The following AMPD1 variants were observed in gnomAD, a reference collection of about 807,000 sequenced individuals.
The protein encoded by AMPD1 is adenosine monophosphate deaminase 1, also known as AMP deaminase 1.
A neutral mutation model predicts 82.9 loss-of-function variants in AMPD1; 74 were observed. The ratio of observed to expected loss-of-function variants is 0.89; its 90% CI spans 0.74 to 1.08. AMPD1 has a LOEUF of 1.08. Among genes scored for constraint, AMPD1 ranks in the 50% least tolerant of loss-of-function variants. The probability of loss-of-function intolerance (pLI) is 0.00; values close to 1 mark genes in which losing one functional copy is unlikely to be tolerated. For missense variants in AMPD1, 881 were observed against 924.5 expected (o/e 0.95, Z 0.61); for synonymous variants, 333 against 320.5 (o/e 1.04, Z -0.42).
chr1:114,674,610 C>CTGCA, intron 13 of AMPD1, 142 bp downstream of exon 13: 4 of 972,018 alleles, frequency 4.1e-6, no homozygotes, highest in Non-Finnish European at 6.0e-6. Flanking sequence ...GTAGAATGAA[C>CTGCA]TGCACTAAAC....
chr1:114,693,106 C>A (rs1658563769), intron 2 of AMPD1, among the ~76,000 whole-genome samples: 3 of 145,012 alleles, frequency 2.1e-5, no homozygotes. Context: ...TCCTGGGTGA[C>A]CATCCATCTC....
Position 114,686,741 on chromosome 1 carries a change from T to C in AMPD1, c.381+4A>G, listed in dbSNP as rs766387191. 6.2e-7 allele frequency: 1 copy of C among 1,613,942 alleles called. No homozygotes were observed. The highest frequency in any genetic ancestry group is 2.2e-5 in the East Asian group (1 of 44,856). ...CTAAGTCTGAGTGGCAAGGACCAAC[T>C]CACCCCAGAGGCATAGTCACCAGTA... On this transcript the variant is annotated splice_donor_region_variant and intron_variant, in intron 4 of 15. Coordinates refer to ENST00000520113, the MANE Select transcript of AMPD1 (RefSeq NM_000036.3).
intron 6 of AMPD1, 59 bp downstream of exon 6, chr1:114,680,200 G>C: frequency 7.1e-7 from 1 of 1,406,184 alleles, no homozygotes; most frequent in Non-Finnish European, 1.0e-6. Context: ...AGTAGTACTA[G>C]TTGTTGTTTA....
At chr1:114,677,158 C>G (rs975815549) in intron 10 of AMPD1, among the ~76,000 whole-genome samples, 193 bp downstream of exon 10, 2 of 151,828 alleles carry the variant, frequency 1.3e-5, no homozygotes, top group Non-Finnish European at 2.9e-5. Flanking sequence ...AAATGATCTT[C>G]TTAACTCCTG....
At chr1:114,680,536 A>T (rs1233068897) in intron 5 of AMPD1, 58 bp from the exon 6 acceptor site, 9 of 1,433,838 alleles carry the variant, frequency 6.3e-6, no homozygotes, top group Non-Finnish European at 7.9e-6. Context: ...ACCACATAAA[A>T]ATAACCAAAA....
intron 6 of AMPD1, 58 bp downstream of exon 6, chr1:114,680,201 T>C (rs972024075): frequency 1.2e-5 from 17 of 1,413,328 alleles, no homozygotes; most frequent in Non-Finnish European, 1.6e-5. Flanking sequence ...GTAGTACTAG[T>C]TGTTGTTTAG....
In AMPD1 at chr1:114,686,773, A is replaced by T. The variant is rs777499844; in HGVS notation, c.353T>A (p.Val118Glu). 3 of 1,614,050 alleles carry T rather than the reference A, an allele frequency of 1.9e-6. No individual in the cohort carries two copies. The highest frequency in any genetic ancestry group is 2.5e-6 in the Non-Finnish European group (3 of 1,179,966). ...AGAGGCATAGTCACCAGTAATCTGC[A>T]CTCTCTGAAAATCAGGCACGGTCTG... ...TYQTVPDFQRVQITGDYASGV... is the reference protein window; with the variant it reads ...TYQTVPDFQREQITGDYASGV... The change falls in exon 4 of 16, where the codon GTG becomes GAG. Residue 118 changes from valine to glutamate, a missense_variant. Physicochemically the swap from Val to Glu is moderately radical, Grantham distance 121 (BLOSUM62 -2). Transcript: ENST00000520113.
chr1:114,678,907 A>C (rs1324370112), intron 7 of AMPD1, among the ~76,000 whole-genome samples: 1 of 152,240 alleles, frequency 6.6e-6, no homozygotes, highest in Non-Finnish European at 1.5e-5. Context: ...AAGCCATGAC[A>C]CAGTGATGGC....
intron 10 of AMPD1, chr1:114,676,323 T>A (rs1452044529): frequency 5.7e-6 from 2 of 348,332 alleles, no homozygotes; most frequent in African/African-American, 4.2e-5. Context: ...TCAATATATG[T>A]GTGTAACTAC....
chr1:114,680,880 A>AT (rs965795287), intron 5 of AMPD1, among the ~76,000 whole-genome samples: 3 of 152,026 alleles, frequency 2.0e-5, no homozygotes, highest in Non-Finnish European at 4.4e-5. Context: ...AGGCGAGAGA[A>AT]TCATTTGAAT....
chr1:114,680,590 A>C (rs1658129499), intron 5 of AMPD1, 112 bp from the exon 6 acceptor site: 1 of 888,326 alleles, frequency 1.1e-6, no homozygotes, highest in Admixed American at 2.0e-5. Context: ...TCCGGTACTT[A>C]AGTTGTAATT....
chr1:114,693,773 C>T (rs1212724141), intron 1 of AMPD1, among the ~76,000 whole-genome samples: 1 of 152,178 alleles, frequency 6.6e-6, no homozygotes, highest in Non-Finnish European at 1.5e-5. Flanking sequence ...AAACTTAAAA[C>T]AGCTCATTTG....
At chr1:114,679,453 T>A (rs1184018933) in intron 7 of AMPD1, 126 bp downstream of exon 7, 1 of 1,347,024 alleles carries the variant, frequency 7.4e-7, no homozygotes, top group Non-Finnish European at 1.1e-6. Context: ...TATCTGTTTT[T>A]ACTAAAATCC....
chr1:114,690,158 C>T (rs1658469937), intron 2 of AMPD1, among the ~76,000 whole-genome samples: 1 of 152,182 alleles, frequency 6.6e-6, no homozygotes, highest in African/African-American at 2.4e-5. Context: ...GTCATGTGTT[C>T]AAGCTCCCTG....
At chr1:114,690,915 A>G (rs924546714) in intron 2 of AMPD1, among the ~76,000 whole-genome samples, 3 of 152,212 alleles carry the variant, frequency 2.0e-5, no homozygotes, top group Non-Finnish European at 4.4e-5. Flanking sequence ...GTCTGCAGCA[A>G]TAATGCTGGA....
chr1:114,677,282 T>C (rs1658014719), intron 10 of AMPD1, 69 bp downstream of exon 10: 3 of 1,589,812 alleles, frequency 1.9e-6, no homozygotes, highest in South Asian at 2.2e-5. Flanking sequence ...ACGTTCCTTG[T>C]TCATACAGGG....
rs1243114972 is a variant in AMPD1 at position 114,684,330 on chromosome 1, C to A, written c.416G>T (p.Gly139Val). 3.1e-6 allele frequency: 5 copies of A among 1,613,968 alleles called. No individual in the cohort carries two copies. In the South Asian group the frequency reaches 4.4e-5, roughly 14 times the overall value. ...ACGTATGCATAGTGCCCGATACAGA[C>A]CTTTGCAAACAATTTCAAAATCTTC... The part of the protein sequence containing the change: ...TVEDFEIVCK[G>V]LYRALCIREK... The change falls in exon 5 of 16, where the codon GGT becomes GTT. Residue 139 changes from glycine to valine, a missense_variant. Physicochemically the swap from Gly to Val is moderately radical, Grantham distance 109. Transcript: ENST00000520113.
chr1:114,684,491 A>C, intron 4 of AMPD1, 127 bp from the exon 5 acceptor site: 1 of 956,420 alleles, frequency 1.0e-6, no homozygotes, highest in Non-Finnish European at 1.6e-6. Context: ...CTCACCACTC[A>C]CCTGGCTGCT....
At position 114,675,910 on chromosome 1, in the gene AMPD1, C is replaced by G. The variant is rs1657968231; in HGVS notation, c.1482G>C (p.Gln494His). The G allele has an allele frequency of 6.2e-7, 1 of 1,614,184 alleles. No homozygotes were observed. Among genetic ancestry groups the G allele is most frequent in the Non-Finnish European group, 8.5e-7 (1 of 1,180,026 alleles). The change falls in exon 11 of 16, where the codon CAG (glutamine) becomes CAC (histidine). Residue 494 changes from glutamine (Q) to histidine (H), a missense_variant. Around this residue, in one of 2 missense-constraint regions of AMPD1, gnomAD observed 783 missense variants for 786.4 expected, o/e 1.00. Coordinates refer to ENST00000520113, the MANE Select transcript of AMPD1 (RefSeq NM_000036.3). ...MPVFEATINP[Q>H]ADPELSVFLK... The stretch of plus-strand genomic sequence containing the variant: ...GGAAGACACTGAGTTCTGGGTCAGC[C>G]TGGGGGTTGATGGTGGCCTCAAACA...
Sources: allele counts gnomAD v4.1 joint callset (sites outside exome capture counted in the v4.1 genomes callset), GRCh38; gene constraint gnomAD v4.1.1; regional missense constraint gnomAD v4.1.1; transcripts MANE v1.5; gene names NCBI Gene and HGNC (gene_info 2026-07-23, HGNC 2026-07-21).